Variants in PIK3C2G observed in about 807,000 individuals in gnomAD.
PIK3C2G encodes the protein phosphatidylinositol-4-phosphate 3-kinase catalytic subunit type 2 gamma, also known as phosphatidylinositol 3-kinase C2 domain-containing subunit gamma.
Under a neutral mutation model 181.1 loss-of-function variants are expected in PIK3C2G, and 168 were observed. The ratio of observed to expected loss-of-function variants is 0.93; its 90% CI spans 0.82 to 1.05. PIK3C2G has a LOEUF of 1.05. Ranked by LOEUF, PIK3C2G falls within the 50% of genes least tolerant of loss-of-function variation. PIK3C2G has a pLI of 0.00. For synonymous variants in PIK3C2G, 573 were observed against 592.2 expected (o/e 0.97, Z 0.47); for missense variants, 1,869 against 1,732.8 (o/e 1.08, Z -1.40).
chr12:18,587,402 T>C (rs1354177129), intron 29 of PIK3C2G, among the ~76,000 whole-genome samples: 1 of 152,038 alleles, frequency 6.6e-6, no homozygotes, highest in African/African-American at 2.4e-5. Flanking sequence ...AGCATTCCTA[T>C]ACACCAACAA....
At chr12:18,264,226 A>G (rs1003154968) in intron 1 of PIK3C2G, among the ~76,000 whole-genome samples, 8 of 152,146 alleles carry the variant, frequency 5.3e-5, no homozygotes, top group African/African-American at 1.9e-4. Flanking sequence ...GCTCAACCCC[A>G]ACTTACATAG....
the PIK3C2G span, chr12:18,684,380 C>T: frequency 8.9e-7 from 1 of 1,123,692 alleles, no homozygotes; most frequent in Non-Finnish European, 1.3e-6. Context: ...AACCCTTTAA[C>T]AATAATATCT....
intron 16 of PIK3C2G, among the ~76,000 whole-genome samples, chr12:18,413,361 A>G (rs1335813875): frequency 6.6e-6 from 1 of 152,142 alleles, no homozygotes; most frequent in African/African-American, 2.4e-5. Context: ...GCTTAGGTGA[A>G]CACTTAGAGA....
chr12:18,486,574 T>C (rs1389589547), intron 18 of PIK3C2G, among the ~76,000 whole-genome samples: 3 of 152,154 alleles, frequency 2.0e-5, no homozygotes, highest in Non-Finnish European at 4.4e-5. Context: ...ATTTTGTCTG[T>C]GTAAATTAAC....
In PIK3C2G at chr12:18,362,778, C is replaced by T; in HGVS notation, c.1640C>T (p.Ser547Phe). Reference sequence around the variant, plus strand: ...TTTCATTTTAGCTACAAAGCGTTTTCTTTTACCTGTTGGCTTACATATGCT... The same window carrying T: ...TTTCATTTTAGCTACAAAGCGTTTTTTTTTACCTGTTGGCTTACATATGCT... Reference protein sequence around the residue: ...ETWVHSYKAFSFTCWLTYAGK... With the variant: ...ETWVHSYKAFFFTCWLTYAGK... Residue 547 changes from serine to phenylalanine, a missense_variant, in exon 12 of 33, where the codon TCT (serine) becomes TTT (phenylalanine). By Grantham distance (155) the Ser-to-Phe change is radical. Transcript: ENST00000538779. 6.6e-7 allele frequency: 1 copy of T among 1,521,226 alleles called. No homozygotes were observed. Among genetic ancestry groups the T allele is most frequent in the East Asian group, 2.5e-5 (1 of 40,682 alleles). 94.2% of individuals were successfully genotyped at this position (1,521,226 alleles called of 1,614,324 possible). A position where few individuals can be genotyped will look rare whatever the true frequency, so the allele number is the denominator to read the frequency against.
chr12:18,462,324 A>T (rs1947962160), intron 18 of PIK3C2G, among the ~76,000 whole-genome samples: 2 of 152,208 alleles, frequency 1.3e-5, no homozygotes, highest in Admixed American at 1.3e-4. Context: ...CTATTCACAG[A>T]TACTACGCAG....
At chr12:18,684,121 G>A in the PIK3C2G span, 47 of 1,610,378 alleles carry the variant, frequency 2.9e-5, no homozygotes, top group Non-Finnish European at 3.7e-5. Context: ...TAACTTTTAG[G>A]GACATTACCT....
chr12:18,367,537 TTTTTTA>T (rs1415807099), intron 12 of PIK3C2G, among the ~76,000 whole-genome samples: 3 of 152,014 alleles, frequency 2.0e-5, no homozygotes, highest in Non-Finnish European at 2.9e-5. Flanking sequence ...GACTGGGTAA[TTTTTTA>T]TTTTTATTTT....
At chr12:18,572,692 T>C (rs1192830747) in intron 29 of PIK3C2G, among the ~76,000 whole-genome samples, 6 of 151,960 alleles carry the variant, frequency 3.9e-5, no homozygotes, top group African/African-American at 1.2e-4. Context: ...CTTCTCTTTT[T>C]CTAGGACTGT....
chr12:18,555,182 A>G (rs1297776401), intron 26 of PIK3C2G, among the ~76,000 whole-genome samples: 1 of 152,170 alleles, frequency 6.6e-6, no homozygotes, highest in Non-Finnish European at 1.5e-5. Context: ...AACAATTTAA[A>G]CTGTAAATTG....
In PIK3C2G at chr12:18,346,792, C is replaced by T; in HGVS notation, c.1581C>T (p.Phe527=). The T allele has an allele frequency of 1.2e-6, 2 of 1,613,730 alleles. No homozygotes were observed. The highest frequency in any genetic ancestry group is 1.7e-6 in the Non-Finnish European group (2 of 1,179,766). Residue 527 remains phenylalanine, a synonymous_variant, in exon 11 of 33, where the codon TTC becomes TTT. Coordinates refer to ENST00000538779, the MANE Select transcript of PIK3C2G (RefSeq NM_001288772.2). The stretch of plus-strand genomic sequence containing the variant: ...CCGGGCTTCCTTCCCACCTCAGCTT[C>T]ACAGTGTATGCAGCACACAACATTC... ...LNPGLPSHLS[F]TVYAAHNIPE...
intron 1 of PIK3C2G, among the ~76,000 whole-genome samples, chr12:18,275,714 C>T (rs756229194): frequency 1.3e-5 from 2 of 152,142 alleles, no homozygotes; most frequent in Non-Finnish European, 2.9e-5. Flanking sequence ...GTTTTTCTCC[C>T]TTCTTGTTTT....
intron 16 of PIK3C2G, among the ~76,000 whole-genome samples, chr12:18,409,908 G>A (rs1944760080): frequency 6.6e-6 from 1 of 152,090 alleles, no homozygotes; most frequent in Non-Finnish European, 1.5e-5. Flanking sequence ...CCTTCACATG[G>A]CTGGGCAGGA....
chr12:18,661,764 T>C, the PIK3C2G span, among the ~76,000 whole-genome samples: 9 of 152,170 alleles, frequency 5.9e-5, no homozygotes, highest in African/African-American at 7.2e-5. Flanking sequence ...AGAACTACCA[T>C]TGACCCAGCA....
the PIK3C2G span, among the ~76,000 whole-genome samples, chr12:18,716,686 A>T: frequency 1.3e-5 from 2 of 152,174 alleles, no homozygotes; most frequent in African/African-American, 4.8e-5. Flanking sequence ...GTGGTATGAA[A>T]TTTCCACTCT....
intron 5 of PIK3C2G, among the ~76,000 whole-genome samples, chr12:18,306,206 T>C (rs970207193): frequency 6.6e-6 from 1 of 151,974 alleles, no homozygotes; most frequent in Non-Finnish European, 1.5e-5. Context: ...TGGGAAGTCT[T>C]AAGAAAAATA....
chr12:18,393,269 A>T (rs1222768418), intron 15 of PIK3C2G, among the ~76,000 whole-genome samples: 1 of 152,010 alleles, frequency 6.6e-6, no homozygotes, highest in Non-Finnish European at 1.5e-5. Context: ...CCTCTGTTTC[A>T]CCCACTCAAA....
chr12:18,399,592 T>C (rs943212577), intron 15 of PIK3C2G, 67 bp from the exon 16 acceptor site: 2 of 949,330 alleles, frequency 2.1e-6, no homozygotes, highest in African/African-American at 1.6e-5. Context: ...TTCTACTGCA[T>C]ATTTATAGCA....
At chr12:18,592,681 C>T (rs1355983488) in intron 29 of PIK3C2G, among the ~76,000 whole-genome samples, 3 of 151,780 alleles carry the variant, frequency 2.0e-5, no homozygotes, top group Non-Finnish European at 2.9e-5. Context: ...TGACAAAATT[C>T]GATTTATGTG....
Sources: allele counts gnomAD v4.1 joint callset (sites outside exome capture counted in the v4.1 genomes callset), GRCh38; gene constraint gnomAD v4.1.1; transcripts MANE v1.5; gene names NCBI Gene and HGNC (gene_info 2026-07-23, HGNC 2026-07-21).